The following FAM135B variants were observed in gnomAD, a reference collection of about 807,000 sequenced individuals.
The protein encoded by FAM135B is family with sequence similarity 135 member B.
FAM135B carries 43 observed loss-of-function variants against 127.7 expected under a neutral mutation model. The observed-to-expected ratio is 0.34, with a 90% CI of 0.26 to 0.43. The LOEUF (loss-of-function observed/expected upper bound fraction) is 0.43, where lower values mean the gene tolerates loss of function less well. Ranked by LOEUF, FAM135B falls within the 20% of genes least tolerant of loss-of-function variation. The pLI is 1.00. For missense variants in FAM135B, 1,558 were observed against 1,725.6 expected (o/e 0.90, Z 1.72); for synonymous variants, 670 against 665.1 (o/e 1.01, Z -0.11).
At chr8:138,153,381 G>A (rs529813495) in intron 12 of FAM135B, among the ~76,000 whole-genome samples, 165 bp from the exon 13 acceptor site, 10 of 152,318 alleles carry the variant, frequency 6.6e-5, no homozygotes, top group Admixed American at 5.2e-4. Context: ...GAGCGATGCA[G>A]AAGACGGGTG....
intron 12 of FAM135B, among the ~76,000 whole-genome samples, chr8:138,163,062 G>A (rs1204580920): frequency 6.6e-6 from 1 of 152,242 alleles, no homozygotes; most frequent in Non-Finnish European, 1.5e-5. Context: ...CTAATTGAAA[G>A]AGAATGGATT....
chr8:138,297,871 C>A (rs1199163527), intron 3 of FAM135B, among the ~76,000 whole-genome samples: 1 of 152,216 alleles, frequency 6.6e-6, no homozygotes, highest in Admixed American at 6.5e-5. Context: ...GCTGGGCCAG[C>A]TGCATGGCAG....
chr8:138,476,479 ATT>A (rs201036983), intron 1 of FAM135B, among the ~76,000 whole-genome samples: 11,537 of 141,302 alleles, frequency 0.082, 1,450 homozygotes, highest in African/African-American at 0.27. Context: ...GTATCTCTCT[ATT>A]TTTTTTTTTT....
chr8:138,402,191 C>G (rs1421064923), intron 1 of FAM135B, among the ~76,000 whole-genome samples: 1 of 125,438 alleles, frequency 8.0e-6, no homozygotes, highest in Non-Finnish European at 1.7e-5. Context: ...TCAGCAGTAC[C>G]TGGAACACTG....
chr8:138,222,878 C>T (rs1268088397), intron 7 of FAM135B, among the ~76,000 whole-genome samples: 1 of 151,944 alleles, frequency 6.6e-6, no homozygotes, highest in African/African-American at 2.4e-5. Context: ...GAGTCTTTAC[C>T]CTACATTTAG....
At chr8:138,269,666 T>C (rs1823219294) in intron 3 of FAM135B, among the ~76,000 whole-genome samples, 2 of 152,188 alleles carry the variant, frequency 1.3e-5, no homozygotes, top group African/African-American at 4.8e-5. Context: ...GTAAGGGAAA[T>C]ATAAGTTCTA....
chr8:138,245,480 G>T (rs1335497996), intron 6 of FAM135B, among the ~76,000 whole-genome samples: 1 of 152,114 alleles, frequency 6.6e-6, no homozygotes, highest in African/African-American at 2.4e-5. Flanking sequence ...TTTATAAGGG[G>T]CTTTCCCCCA....
chr8:138,488,887 G>A (rs1233223855), intron 1 of FAM135B, among the ~76,000 whole-genome samples: 1 of 152,136 alleles, frequency 6.6e-6, no homozygotes, highest in African/African-American at 2.4e-5. Flanking sequence ...GTATGGTCTC[G>A]AGGTCCTGAC....
At chr8:138,275,043 G>GTAT (rs1186832318) in intron 3 of FAM135B, among the ~76,000 whole-genome samples, 6 of 152,118 alleles carry the variant, frequency 3.9e-5, no homozygotes, top group African/African-American at 1.4e-4. Context: ...AATCACAAGG[G>GTAT]TATTGATTGG....
At chr8:138,247,120 G>A (rs1442045532) in intron 6 of FAM135B, among the ~76,000 whole-genome samples, 1 of 152,188 alleles carries the variant, frequency 6.6e-6, no homozygotes, top group East Asian at 1.9e-4. Flanking sequence ...ATAGGCAGAA[G>A]GGACTTGCCT....
intron 1 of FAM135B, among the ~76,000 whole-genome samples, chr8:138,477,106 T>A (rs1180637510): frequency 6.6e-6 from 1 of 152,212 alleles, no homozygotes; most frequent in Non-Finnish European, 1.5e-5. Context: ...CTATTTGCCA[T>A]GTAGCTGCTG....
chr8:138,399,639 A>G (rs961012084), intron 1 of FAM135B, among the ~76,000 whole-genome samples: 5 of 152,208 alleles, frequency 3.3e-5, no homozygotes, highest in African/African-American at 1.2e-4. Flanking sequence ...AGAAAAATGA[A>G]CACGATGATT....
intron 7 of FAM135B, among the ~76,000 whole-genome samples, chr8:138,201,741 A>G (rs1038310238): frequency 8.5e-5 from 13 of 152,188 alleles, no homozygotes; most frequent in African/African-American, 3.1e-4. Context: ...ACGAGAATCA[A>G]GCAGGCAGGC....
At chr8:138,386,034 C>A (rs554975169) in intron 1 of FAM135B, among the ~76,000 whole-genome samples, 2 of 151,774 alleles carry the variant, frequency 1.3e-5, no homozygotes, top group Admixed American at 1.3e-4. Flanking sequence ...CAGCCTGACA[C>A]GGTGAAACCT....
At chr8:138,214,207 C>A (rs573872805) in intron 7 of FAM135B, among the ~76,000 whole-genome samples, 1 of 152,268 alleles carries the variant, frequency 6.6e-6, no homozygotes, top group Admixed American at 6.5e-5. Flanking sequence ...AACTGCTCTG[C>A]CATATCCCCG....
At chr8:138,333,039 C>G (rs1828302944) in intron 2 of FAM135B, among the ~76,000 whole-genome samples, 1 of 151,896 alleles carries the variant, frequency 6.6e-6, no homozygotes, top group Non-Finnish European at 1.5e-5. Flanking sequence ...GTCCTCCAAC[C>G]AACCTTAAAA....
intron 3 of FAM135B, among the ~76,000 whole-genome samples, chr8:138,271,472 A>G (rs894063865): frequency 6.6e-6 from 1 of 152,182 alleles, no homozygotes; most frequent in Admixed American, 6.6e-5. Context: ...ATCACCTGCT[A>G]TGCACTAGGT....
At chr8:138,367,397 A>G (rs113870086) in intron 2 of FAM135B, 88 of 456,270 alleles carry the variant, frequency 1.9e-4, no homozygotes, top group African/African-American at 1.5e-3. Flanking sequence ...GAAATGCCAA[A>G]TTCAGACTGC....
chr8:138,192,305 C>T (rs1036865350), intron 9 of FAM135B, among the ~76,000 whole-genome samples: 4 of 152,350 alleles, frequency 2.6e-5, no homozygotes, highest in Admixed American at 1.3e-4. Context: ...ATAGGCCATA[C>T]TACCTTTAGG....
Sources: gnomAD v4.1 joint callset for allele counts (sites outside exome capture counted in the v4.1 genomes callset) on GRCh38, gnomAD v4.1.1 for gene constraint, MANE v1.5 for transcripts, NCBI Gene and HGNC (gene_info 2026-07-23, HGNC 2026-07-21) for gene names.